Variants in AHCTF1 observed in about 807,000 individuals in gnomAD.
The protein encoded by AHCTF1 is AT-hook containing transcription factor 1.
Under a neutral mutation model 248.4 loss-of-function variants are expected in AHCTF1, and 24 were observed. The ratio of observed to expected loss-of-function variants is 0.10; its 90% confidence interval spans 0.07 to 0.14. The LOEUF (loss-of-function observed/expected upper bound fraction) is 0.14. Among genes scored for constraint, AHCTF1 ranks in the 10% least tolerant of loss-of-function variants. The pLI is 1.00. For synonymous variants in AHCTF1, 786 were observed against 929.8 expected, an observed-to-expected ratio of 0.85 and a Z score of 2.81; for missense variants, 2,206 against 2,636.2, an observed-to-expected ratio of 0.84 and a Z score of 3.57.
rs1664891362 is a variant in AHCTF1, at chr1:246,900,141, C to T, written c.1356G>A (p.Glu452=). ...GAGGGACTCCTCTATTTAAACTTCT[C>T]TCATGTACTAATATATCCAAGATGC... ...PHGILDILVH[E]RSLNRGVPPS... is the part of the protein sequence containing the mutation. Residue 452 remains glutamate (E), a synonymous_variant, in exon 10 of 36, where the codon GAG becomes GAA. Transcript: ENST00000648844. 6.2e-7 allele frequency: 1 copy of T among 1,610,268 alleles called. No individual in the cohort carries two copies. The highest frequency in any genetic ancestry group is 1.7e-5 in the Admixed American group (1 of 59,314).
chr1:246,908,648 A>G lies in AHCTF1; in HGVS notation c.557-890T>C, dbSNP rs543113223. Among the ~76,000 whole-genome samples, 28 of 151,336 alleles carry G rather than the reference A, an allele frequency of 1.9e-4. No individual in the cohort carries two copies. The South Asian group carries it at 4.4e-3, about 24-fold the overall frequency. ...CACGCCTGTAATCTCAGCACTTTGG[A>G]AGGCCAAGGTGGGCGGATCACAAGG... is the stretch of plus-strand genomic sequence containing the variant. On this transcript the variant is annotated intron_variant, in intron 4 of 35. Coordinates refer to ENST00000648844, the MANE Select transcript of AHCTF1 (RefSeq NM_001323342.2).
At chr1:246,868,680 A>G (rs1662227994) in intron 24 of AHCTF1, among the ~76,000 whole-genome samples, 1 of 151,656 alleles carries the variant, frequency 6.6e-6, no homozygotes, top group Admixed American at 6.6e-5. Context: ...CAACTGAAAT[A>G]GGAGTTCTTT....
At chr1:246,902,699 T>C (rs775971498) in intron 7 of AHCTF1, 24 bp from the exon 8 acceptor site, 26 of 1,551,370 alleles carry the variant, frequency 1.7e-5, no homozygotes, top group Middle Eastern at 1.7e-4. Context: ...TACACGCAAA[T>C]ATTAATCTGA....
chr1:246,874,065 T>C (rs12067009), intron 24 of AHCTF1, among the ~76,000 whole-genome samples: 1,642 of 152,216 alleles, frequency 0.011, 40 homozygotes, highest in African/African-American at 0.038. Context: ...ACAATCACCA[T>C]TAATATTTTA....
intron 1 of AHCTF1, chr1:246,931,233 G>C: frequency 6.5e-7 from 1 of 1,550,172 alleles, no homozygotes; most frequent in Non-Finnish European, 8.7e-7. Flanking sequence ...CCATCGCGTG[G>C]GAGAACAGTG....
In AHCTF1 at chr1:246,922,611, C is replaced by G. The variant is rs61854044; in HGVS notation, c.-7-4234G>C. ...GTCTCACTATGTTGCCCATGATGGT[C>G]TTGAACTCCTGGGTTCCAGCAATCC... is the stretch of plus-strand genomic sequence containing the variant. On this transcript the variant is annotated intron_variant, in intron 1 of 35. Transcript: ENST00000648844. Among the ~76,000 whole-genome samples, 11 of 150,858 alleles carry G rather than the reference C, an allele frequency of 7.3e-5. No homozygotes were observed. In the South Asian group the frequency reaches 1.9e-3, roughly 26 times the overall value.
Position 246,902,555 on chromosome 1 carries a change from G to A in AHCTF1, c.1087C>T (p.His363Tyr). The A allele has an allele frequency of 1.9e-6, 3 of 1,611,496 alleles. No homozygotes were observed. The highest frequency in any genetic ancestry group is 2.2e-4 in the Middle Eastern group (1 of 4,522). Reference sequence around the variant, plus strand: ...TTCACGCCTTCCTCCCTGTCACCATGAGATCGAAATTTCTCTATACTCTGG... The same window carrying A: ...TTCACGCCTTCCTCCCTGTCACCATAAGATCGAAATTTCTCTATACTCTGG... ...GCQSIEKFRSHGDREEGVNEA... is the reference protein window; with the variant it reads ...GCQSIEKFRSYGDREEGVNEA... Residue 363 changes from histidine (H) to tyrosine (Y), a missense_variant, in exon 8 of 36, where the codon CAT becomes TAT. His to Tyr is a moderately conservative substitution (Grantham distance 83, BLOSUM62 2). Around this residue, in one of 6 missense-constraint regions of AHCTF1, gnomAD observed 650 missense variants for 870.8 expected, o/e 0.75. Coordinates refer to ENST00000648844, the MANE Select transcript of AHCTF1 (RefSeq NM_001323342.2).
chr1:246,888,867 G>A (rs141845154), intron 17 of AHCTF1, among the ~76,000 whole-genome samples: 1 of 152,302 alleles, frequency 6.6e-6, no homozygotes, highest in African/African-American at 2.4e-5. Flanking sequence ...ACATGCCACT[G>A]CACTGCAGCC....
At chr1:246,911,574 C>T (rs1350383588) in intron 4 of AHCTF1, among the ~76,000 whole-genome samples, 3 of 150,126 alleles carry the variant, frequency 2.0e-5, no homozygotes, top group African/African-American at 7.3e-5. Context: ...GCCTCCACCT[C>T]CCAGGTTCAA....
chr1:246,912,962 CAAAT>C (rs1466918873), intron 4 of AHCTF1, among the ~76,000 whole-genome samples: 4 of 152,030 alleles, frequency 2.6e-5, no homozygotes, highest in African/African-American at 9.7e-5. Flanking sequence ...TAAATGAAAA[CAAAT>C]AAAATCAATT....
chr1:246,887,995 A>G (rs995955588), intron 19 of AHCTF1, among the ~76,000 whole-genome samples, 182 bp downstream of exon 19: 6 of 152,210 alleles, frequency 3.9e-5, no homozygotes, highest in South Asian at 2.1e-4. Flanking sequence ...AAAATTTTTC[A>G]TATAGTTTTA....
intron 13 of AHCTF1, 45 bp from the exon 14 acceptor site, chr1:246,894,793 C>T: frequency 6.6e-7 from 1 of 1,517,160 alleles, no homozygotes. Flanking sequence ...TTATTAATTA[C>T]AAACAGAGTT....
At chr1:246,861,922 A>G (rs1205057018) in intron 28 of AHCTF1, 37 bp downstream of exon 28, 6 of 1,537,932 alleles carry the variant, frequency 3.9e-6, no homozygotes, top group Non-Finnish European at 5.3e-6. Context: ...CATTCTTATT[A>G]AAAAATGTCT....
chr1:246,923,064 C>CG (rs1311553826), intron 1 of AHCTF1, among the ~76,000 whole-genome samples: 1 of 101,074 alleles, frequency 9.9e-6, no homozygotes, highest in Non-Finnish European at 2.0e-5. Flanking sequence ...ATACTAAATA[C>CG]AACCAAAGGA....
chr1:246,906,267 A>G (rs1299820941), intron 5 of AHCTF1, among the ~76,000 whole-genome samples: 1 of 152,166 alleles, frequency 6.6e-6, no homozygotes, highest in Non-Finnish European at 1.5e-5. Flanking sequence ...TTTCTTTAGG[A>G]GCAAATTCAA....
intron 7 of AHCTF1, among the ~76,000 whole-genome samples, chr1:246,903,590 G>A (rs1423987067): frequency 6.6e-6 from 1 of 151,914 alleles, no homozygotes; most frequent in Non-Finnish European, 1.5e-5. Context: ...AGCACTTTGG[G>A]AGTTCGAGGT....
chr1:246,904,867 T>G (rs1665271814), intron 6 of AHCTF1, among the ~76,000 whole-genome samples: 1 of 152,176 alleles, frequency 6.6e-6, no homozygotes, highest in Admixed American at 6.5e-5. Flanking sequence ...TACCACACTA[T>G]TCACTCCTTA....
chr1:246,863,801 G>T, intron 27 of AHCTF1, 123 bp downstream of exon 27: 1 of 939,092 alleles, frequency 1.1e-6, no homozygotes, highest in Non-Finnish European at 1.7e-6. Flanking sequence ...ATAAAAGGAT[G>T]CTTAAAGCAT....
rs766112113 is a variant in AHCTF1, at chr1:246,899,514, T to TA, written c.1433-3dup. On this transcript the variant is annotated splice_polypyrimidine_tract_variant and splice_region_variant and intron_variant, in intron 10 of 35. Transcript: ENST00000648844. Reference sequence around the variant, plus strand: ...CCGAGTTTAACAAACAAGTGGCATCTAAAAAAAAGATTTAAAAAATAATCC... The same window carrying TA: ...CCGAGTTTAACAAACAAGTGGCATCTAAAAAAAAAGATTTAAAAAATAATCC... 27 of 1,602,610 alleles carry TA rather than the reference T, an allele frequency of 1.7e-5. No individual in the cohort carries two copies. The highest frequency in any genetic ancestry group is 4.5e-5 in the East Asian group (2 of 44,360).
Sources: gnomAD v4.1 joint callset for allele counts (sites outside exome capture counted in the v4.1 genomes callset) on GRCh38, gnomAD v4.1.1 for gene constraint, gnomAD v4.1.1 regional missense constraint, MANE v1.5 for transcripts, NCBI Gene and HGNC (gene_info 2026-07-23, HGNC 2026-07-21) for gene names.